Variants in GRID2 observed in about 807,000 individuals in gnomAD.
GRID2 encodes the protein glutamate ionotropic receptor delta type subunit 2, also known as glutamate receptor ionotropic, delta-2.
GRID2 carries 33 observed loss-of-function variants against 114.8 expected under a neutral mutation model. The ratio of observed to expected loss-of-function variants is 0.29; its 90% CI spans 0.22 to 0.38. The LOEUF (loss-of-function observed/expected upper bound fraction) is 0.38. Ranked by LOEUF, GRID2 falls within the 10% of genes least tolerant of loss-of-function variation. GRID2 has a pLI of 1.00. For synonymous variants in GRID2, 505 were observed against 449.9 expected, an observed-to-expected ratio of 1.12 and a Z score of -1.55; for missense variants, 1,184 against 1,257.7, an observed-to-expected ratio of 0.94 and a Z score of 0.89.
chr4:93,780,902 A>G (rs1734466553), intron 1 of GRID2, among the ~76,000 whole-genome samples: 1 of 152,360 alleles, frequency 6.6e-6, no homozygotes, highest in Admixed American at 6.5e-5. Context: ...AGGGCTGGAC[A>G]ATAATTTCGG....
intron 1 of GRID2, among the ~76,000 whole-genome samples, chr4:92,343,241 A>G (rs950349859): frequency 6.8e-6 from 1 of 146,754 alleles, no homozygotes; most frequent in Non-Finnish European, 1.5e-5. Context: ...TACCAACTGC[A>G]AAAAAAAAAG....
chr4:92,849,540 A>G (rs1743600102), intron 2 of GRID2, among the ~76,000 whole-genome samples: 1 of 151,880 alleles, frequency 6.6e-6, no homozygotes, highest in South Asian at 2.1e-4. Flanking sequence ...AATAATTTAA[A>G]CAGTTGTGCT....
At chr4:93,489,681 T>C (rs968879176) in intron 11 of GRID2, among the ~76,000 whole-genome samples, 1 of 151,888 alleles carries the variant, frequency 6.6e-6, no homozygotes, top group Admixed American at 6.6e-5. Context: ...TGGGATGTAA[T>C]TTGAATGTAA....
intron 1 of GRID2, among the ~76,000 whole-genome samples, chr4:92,502,464 A>C (rs1177179536): frequency 7.2e-5 from 11 of 152,068 alleles, no homozygotes; most frequent in Admixed American, 6.6e-5. Context: ...GTTTCAAGGT[A>C]GTTTGATTAA....
chr4:93,130,221 CTTGAGCCCAGGAAT>C (rs1036284982), intron 4 of GRID2, among the ~76,000 whole-genome samples: 12 of 152,280 alleles, frequency 7.9e-5, no homozygotes, highest in Admixed American at 6.5e-4. Context: ...GGGTGGATCA[CTTGAGCCCAGGAAT>C]TTGAGACCAG....
intron 14 of GRID2, among the ~76,000 whole-genome samples, chr4:93,657,201 G>T (rs1723099678): frequency 6.6e-6 from 1 of 152,082 alleles, no homozygotes; most frequent in African/African-American, 2.4e-5. Context: ...TTTTCACACA[G>T]TATTTCTTTA....
chr4:92,932,167 T>C (rs537651309), intron 2 of GRID2, among the ~76,000 whole-genome samples: 1 of 151,348 alleles, frequency 6.6e-6, no homozygotes, highest in Admixed American at 6.6e-5. Flanking sequence ...ATTTAATAAC[T>C]GTCAAAGAAT....
At chr4:93,095,002 A>T (rs1249905061) in intron 3 of GRID2, among the ~76,000 whole-genome samples, 1 of 152,090 alleles carries the variant, frequency 6.6e-6, no homozygotes, top group African/African-American at 2.4e-5. Context: ...TATATTAAAC[A>T]CAAAGTGTAA....
chr4:92,742,062 A>G (rs974202290), intron 2 of GRID2, among the ~76,000 whole-genome samples: 1 of 152,178 alleles, frequency 6.6e-6, no homozygotes, highest in Non-Finnish European at 1.5e-5. Context: ...TTAAATAAAT[A>G]ATGAATTATA....
chr4:92,350,722 T>C (rs531186778), intron 1 of GRID2, among the ~76,000 whole-genome samples: 2 of 151,990 alleles, frequency 1.3e-5, no homozygotes, highest in South Asian at 4.1e-4. Flanking sequence ...AAATGTATAC[T>C]GCAATGGTTT....
intron 2 of GRID2, among the ~76,000 whole-genome samples, chr4:92,662,184 A>G (rs2149269828): frequency 6.6e-6 from 1 of 151,206 alleles, no homozygotes; most frequent in Non-Finnish European, 1.5e-5. Flanking sequence ...CAAATCAGAC[A>G]GGAACTATTA....
At chr4:93,253,806 G>T (rs1041972920) in intron 8 of GRID2, among the ~76,000 whole-genome samples, 2 of 151,850 alleles carry the variant, frequency 1.3e-5, no homozygotes, top group African/African-American at 4.8e-5. Flanking sequence ...CCAAAATAAG[G>T]CCTTATTTTT....
chr4:92,473,246 CTTTA>C (rs1450050047), intron 1 of GRID2, among the ~76,000 whole-genome samples: 1 of 152,028 alleles, frequency 6.6e-6, no homozygotes, highest in African/African-American at 2.4e-5. Context: ...TACTTTATTG[CTTTA>C]TTTGACTGTT....
At chr4:93,765,830 G>T (rs1255904781) in intron 14 of GRID2, among the ~76,000 whole-genome samples, 1 of 151,848 alleles carries the variant, frequency 6.6e-6, no homozygotes, top group Non-Finnish European at 1.5e-5. Flanking sequence ...TAAAAAAATG[G>T]CTTCACAGTG....
intron 8 of GRID2, among the ~76,000 whole-genome samples, chr4:93,294,429 T>C (rs559156730): frequency 1.3e-5 from 2 of 152,332 alleles, no homozygotes; most frequent in South Asian, 4.1e-4. Context: ...GAATAAATGA[T>C]GCATTTGTAT....
rs567746953 is a variant in GRID2 at position 92,619,843 on chromosome 4, T to C, written c.244+29557T>C. ...AGTTTTATTTAGTTTTATCATTGCC[T>C]TTAAGGAGATTTGCTGAGCTCCTTA... On this transcript the variant is annotated intron_variant, in intron 2 of 15. Transcript: ENST00000282020. Among the ~76,000 whole-genome samples, 12 of 151,904 alleles carry C rather than the reference T, an allele frequency of 7.9e-5. No individual in the cohort carries two copies. In the East Asian group the frequency reaches 2.3e-3, roughly 30 times the overall value.
intron 2 of GRID2, among the ~76,000 whole-genome samples, chr4:92,696,725 T>C (rs1178494440): frequency 6.6e-6 from 1 of 152,052 alleles, no homozygotes; most frequent in Non-Finnish European, 1.5e-5. Flanking sequence ...GGGTATGATT[T>C]AAGAGTGAAA....
rs375755521 is a variant in GRID2, at chr4:92,889,350, T to A, written c.245-195645T>A. ...TTGTCTCTGTTTGCAGATGACATGA[T>A]TGTATATTTAGAAAACCCCATCCAT... On this transcript the variant is annotated intron_variant, in intron 2 of 15. Coordinates refer to ENST00000282020, the MANE Select transcript of GRID2 (RefSeq NM_001510.4). Among the ~76,000 whole-genome samples the A allele has an allele frequency of 2.4e-4, 37 of 152,234 alleles. No homozygotes were observed. In the East Asian group the frequency reaches 3.5e-3, roughly 14 times the overall value.
At chr4:93,697,972 A>G (rs72873102) in intron 14 of GRID2, among the ~76,000 whole-genome samples, 7,521 of 150,314 alleles carry the variant, frequency 0.05, 609 homozygotes, top group African/African-American at 0.17. Context: ...TATTTTTAAA[A>G]TTACTGGATT....
Sources: allele counts gnomAD v4.1 joint callset (sites outside exome capture counted in the v4.1 genomes callset), GRCh38; gene constraint gnomAD v4.1.1; transcripts MANE v1.5; gene names NCBI Gene and HGNC (gene_info 2026-07-23, HGNC 2026-07-21).